DLGAP2: variants seen among roughly 807,000 people sequenced by gnomAD.
DLGAP2 encodes the protein disks large-associated protein 2.
A neutral mutation model predicts 100.3 loss-of-function variants in DLGAP2; 26 were observed. The observed-to-expected ratio is 0.26, with a 90% CI of 0.19 to 0.36. The LOEUF (loss-of-function observed/expected upper bound fraction) is 0.36, where lower values mean the gene tolerates loss of function less well. Among genes scored for constraint, DLGAP2 ranks in the 10% least tolerant of loss-of-function variants. The probability of loss-of-function intolerance (pLI) is 1.00; values close to 1 mark genes in which losing one functional copy is unlikely to be tolerated. For synonymous variants in DLGAP2, 886 were observed against 630.1 expected (o/e 1.41, Z -6.08); for missense variants, 1,858 against 1,453.2 (o/e 1.28, Z -4.53).
intron 5 of DLGAP2, among the ~76,000 whole-genome samples, chr8:1,556,966 T>A (rs1801986316): frequency 6.6e-6 from 1 of 151,308 alleles, no homozygotes; most frequent in Non-Finnish European, 1.5e-5. Flanking sequence ...GAGATGCTTG[T>A]GGGGTCGGTC....
At chr8:1,688,830 A>G (rs56334348) in intron 12 of DLGAP2, among the ~76,000 whole-genome samples, 6,584 of 152,316 alleles carry the variant, frequency 0.043, 212 homozygotes, top group Non-Finnish European at 0.052. Flanking sequence ...ACTGCTGTGT[A>G]GTTGACTTCT....
intron 2 of DLGAP2, among the ~76,000 whole-genome samples, chr8:1,196,844 G>T (rs189293662): frequency 6.6e-6 from 1 of 152,094 alleles, no homozygotes; most frequent in African/African-American, 2.4e-5. Context: ...GGGTTCTCCC[G>T]AAAAGTGAGA....
intron 2 of DLGAP2, among the ~76,000 whole-genome samples, chr8:949,678 C>T (rs762425139): frequency 1.3e-5 from 2 of 152,164 alleles, no homozygotes; most frequent in Non-Finnish European, 2.9e-5. Flanking sequence ...GTCCTCGTTC[C>T]CACCCCCCTT....
intron 1 of DLGAP2, among the ~76,000 whole-genome samples, chr8:853,145 C>T (rs1372598694): frequency 1.3e-5 from 2 of 152,212 alleles, no homozygotes; most frequent in Non-Finnish European, 2.9e-5. Flanking sequence ...CCCACAGTTC[C>T]GTGATTCACT....
Position 751,536 on chromosome 8 carries a change from C to A in DLGAP2, c.18+13711C>A, listed in dbSNP as rs113643350. On this transcript the variant is annotated intron_variant, in intron 1 of 14. Transcript: ENST00000637795. ...GTTAGAAAAACTTGTCTCTGAGTTT[C>A]TTGTCTCTTTCTGGTCCTTATAGTA... Among the ~76,000 whole-genome samples, 1,069 of 152,298 alleles carry A rather than the reference C, an allele frequency of 7.0e-3. 6 individuals are homozygous for A. The highest frequency in any genetic ancestry group is 0.025 in the African/African-American group (1,031 of 41,552).
chr8:1,564,214 T>G (rs1802303354), intron 5 of DLGAP2, among the ~76,000 whole-genome samples: 1 of 152,176 alleles, frequency 6.6e-6, no homozygotes, highest in Non-Finnish European at 1.5e-5. Flanking sequence ...TCAAAGCTAA[T>G]GAACCGTGGG....
At chr8:1,148,020 G>T (rs928749482) in intron 2 of DLGAP2, among the ~76,000 whole-genome samples, 1 of 152,112 alleles carries the variant, frequency 6.6e-6, no homozygotes, top group Non-Finnish European at 1.5e-5. Flanking sequence ...TTTCTCTACT[G>T]TGAAGAATTT....
At chr8:1,700,513 G>T (rs375083090) in intron 14 of DLGAP2, among the ~76,000 whole-genome samples, 1 of 152,208 alleles carries the variant, frequency 6.6e-6, no homozygotes, top group East Asian at 1.9e-4. Flanking sequence ...ATTACCCTTT[G>T]CATGTGTTGC....
At chr8:929,709 C>T (rs1233980452) in intron 2 of DLGAP2, among the ~76,000 whole-genome samples, 1 of 135,338 alleles carries the variant, frequency 7.4e-6, no homozygotes, top group Non-Finnish European at 1.6e-5. Flanking sequence ...TCCCACACCG[C>T]GGTACTCAAG....
At chr8:1,017,771 C>T (rs1044923394) in intron 2 of DLGAP2, among the ~76,000 whole-genome samples, 2 of 152,200 alleles carry the variant, frequency 1.3e-5, no homozygotes, top group Non-Finnish European at 2.9e-5. Context: ...GGCGGGTAGA[C>T]TCGTCTGAGT....
chr8:849,944 A>T (rs1797153641), intron 1 of DLGAP2, among the ~76,000 whole-genome samples: 1 of 151,682 alleles, frequency 6.6e-6, no homozygotes, highest in African/African-American at 2.4e-5. Flanking sequence ...TGGGCCTGTA[A>T]TTCCAGCTAC....
Position 901,715 on chromosome 8 carries a change from G to A in DLGAP2, c.19-6197G>A, listed in dbSNP as rs557152877. The stretch of plus-strand genomic sequence containing the variant: ...AGGGAGATCCAGCAAGAACAGCCTC[G>A]ATGGCAGCACGGGGCGTCCCCATTG... On this transcript the variant is annotated intron_variant, in intron 1 of 14. Transcript: ENST00000637795. Among the ~76,000 whole-genome samples, 30 of 152,336 alleles carry A rather than the reference G, an allele frequency of 2.0e-4. 1 individual carries two copies. In the East Asian group the frequency reaches 5.8e-3, roughly 29 times the overall value.
chr8:1,343,814 C>A (rs1298955621), intron 3 of DLGAP2, among the ~76,000 whole-genome samples: 1 of 152,132 alleles, frequency 6.6e-6, no homozygotes, highest in African/African-American at 2.4e-5. Flanking sequence ...ACGAGATCCT[C>A]CCTGCACGTC....
rs1803290048 is a variant in DLGAP2 at position 1,582,046 on chromosome 8, ACAGT to A, written c.1442+16155_1442+16158del. Among the ~76,000 whole-genome samples, 6 of 149,788 alleles carry A rather than the reference ACAGT, an allele frequency of 4.0e-5. No individual in the cohort carries two copies. The South Asian group carries it at 1.3e-3, about 32-fold the overall frequency. On this transcript the variant is annotated intron_variant, in intron 6 of 14. Coordinates refer to ENST00000637795, the MANE Select transcript of DLGAP2 (RefSeq NM_001346810.2). The stretch of plus-strand genomic sequence containing the variant: ...AAAACCCCACACACGTCTACACACC[ACAGT>A]CAAACTACCAGAAGTGAAGGATACA...
At chr8:1,647,894 C>A (rs1798078497) in intron 8 of DLGAP2, among the ~76,000 whole-genome samples, 1 of 152,182 alleles carries the variant, frequency 6.6e-6, no homozygotes. Context: ...TTCCCTGCGT[C>A]CTCACATGGT....
At chr8:936,928 G>A (rs754381122) in intron 2 of DLGAP2, among the ~76,000 whole-genome samples, 12 of 152,154 alleles carry the variant, frequency 7.9e-5, no homozygotes, top group South Asian at 2.1e-4. Flanking sequence ...AGCGCACTGC[G>A]TGACGTCAAT....
intron 8 of DLGAP2, among the ~76,000 whole-genome samples, chr8:1,656,303 C>G (rs571278999): frequency 6.6e-6 from 1 of 150,826 alleles, no homozygotes; most frequent in African/African-American, 2.4e-5. Context: ...GGGCAAGACT[C>G]TGTCTCAAAA....
At chr8:993,766 C>A (rs79120172) in intron 2 of DLGAP2, among the ~76,000 whole-genome samples, 4 of 147,322 alleles carry the variant, frequency 2.7e-5, no homozygotes, top group Non-Finnish European at 5.9e-5. Flanking sequence ...CTTTAAGACA[C>A]CATGCAAGCA....
chr8:809,257 C>CACTTA (rs1173085597), intron 1 of DLGAP2, among the ~76,000 whole-genome samples: 3 of 152,138 alleles, frequency 2.0e-5, no homozygotes, highest in Non-Finnish European at 4.4e-5. Context: ...CACGTGGGCA[C>CACTTA]ACTTCGATGA....
Sources: allele counts gnomAD v4.1 joint callset (sites outside exome capture counted in the v4.1 genomes callset), GRCh38; gene constraint gnomAD v4.1.1; transcripts MANE v1.5; gene names NCBI Gene and HGNC (gene_info 2026-07-23, HGNC 2026-07-21).